ZNF133: variants seen among roughly 807,000 people sequenced by gnomAD.
ZNF133 encodes the protein zinc finger protein 133.
A neutral mutation model predicts 54.9 loss-of-function variants in ZNF133; 26 were observed. The observed-to-expected ratio is 0.47, with a 90% CI of 0.35 to 0.66. ZNF133 has a LOEUF of 0.66. ZNF133 is among the 30% of genes least tolerant of loss of function. The pLI, the probability that ZNF133 is intolerant of heterozygous loss-of-function variation, is 0.01. For missense variants in ZNF133, 653 were observed against 820.8 expected (o/e 0.80, Z 2.50); for synonymous variants, 298 against 320.3 (o/e 0.93, Z 0.74).
In ZNF133 at chr20:18,316,586, G is replaced by A; in HGVS notation, c.1735G>A (p.Val579Met). 6.2e-7 allele frequency: 1 copy of A among 1,614,080 alleles called. No individual in the cohort carries two copies. The highest frequency in any genetic ancestry group is 1.1e-5 in the South Asian group (1 of 91,070). Residue 579 changes from valine to methionine, a missense_variant, in exon 7 of 7, where the codon GTG becomes ATG. Around this residue, in one of 4 missense-constraint regions of ZNF133, gnomAD observed 129 missense variants for 138.5 expected, o/e 0.93. Coordinates refer to ENST00000425686, the MANE Select transcript of ZNF133 (RefSeq NM_001352452.2). ...KRAHSEEKPCVCRECGQGFLQ... is the reference protein window; with the variant it reads ...KRAHSEEKPCMCRECGQGFLQ... Reference sequence around the variant, plus strand: ...GGCTCACTCGGAAGAGAAGCCTTGTGTGTGCAGAGAGTGTGGCCAAGGCTT... The same window carrying A: ...GGCTCACTCGGAAGAGAAGCCTTGTATGTGCAGAGAGTGTGGCCAAGGCTT...
In ZNF133 at chr20:18,293,692, A is replaced by G. The variant is rs955811885; in HGVS notation, c.-431-4293A>G. ...TAAATAAATAACTGAATATAAATAA[A>G]TGGGGAGACAGAACAGCTCTGACAG... On this transcript the variant is annotated intron_variant, in intron 1 of 6. Transcript: ENST00000425686. 2.0e-4 allele frequency among the ~76,000 whole-genome samples: 31 copies of G among 152,252 alleles called. 1 individual carries two copies. The highest frequency in any genetic ancestry group is 3.3e-4 in the Admixed American group (5 of 15,284).
chr20:18,309,756 T>C (rs1431983651), intron 6 of ZNF133, among the ~76,000 whole-genome samples: 4 of 152,128 alleles, frequency 2.6e-5, no homozygotes, highest in Non-Finnish European at 2.9e-5. Context: ...AAAAGTATGG[T>C]AGGTAATGGT....
intron 6 of ZNF133, among the ~76,000 whole-genome samples, chr20:18,308,868 G>A (rs1458759277): frequency 1.3e-5 from 2 of 152,208 alleles, no homozygotes; most frequent in African/African-American, 4.8e-5. Flanking sequence ...AAGAAGGAAG[G>A]TCAGGGCAAA....
rs1241991453 is a variant in ZNF133, at chr20:18,316,624, A to C, written c.1773A>C (p.Ser591=). 1 of 1,614,008 alleles carries C rather than the reference A, an allele frequency of 6.2e-7. No homozygotes were observed. The stretch of plus-strand genomic sequence containing the variant: ...GTGGCCAAGGCTTTCTCCAAAAGTC[A>C]CACCTCACCTTACATCAAATGACAC... ...RECGQGFLQK[S]HLTLHQMTHT... is the part of the protein sequence containing the mutation. Residue 591 remains serine, a synonymous_variant, in exon 7 of 7, where the codon TCA becomes TCC. Transcript: ENST00000425686.
intron 6 of ZNF133, among the ~76,000 whole-genome samples, chr20:18,307,530 G>A (rs1175673679): frequency 1.3e-5 from 2 of 152,058 alleles, no homozygotes; most frequent in African/African-American, 4.8e-5. Context: ...CATACTTTTG[G>A]TATTCAGCAG....
At chr20:18,295,834 A>T (rs928177617) in intron 1 of ZNF133, among the ~76,000 whole-genome samples, 7 of 151,830 alleles carry the variant, frequency 4.6e-5, no homozygotes, top group South Asian at 2.1e-4. Context: ...GCTATTTTTT[A>T]AAATTTTTTT....
rs878893427 is a variant in ZNF133 at position 18,316,804 on chromosome 20, A to T, written c.1953A>T (p.Leu651Phe). The T allele has an allele frequency of 6.2e-7, 1 of 1,607,362 alleles. No individual in the cohort carries two copies. The highest frequency in any genetic ancestry group is 8.5e-7 in the Non-Finnish European group (1 of 1,175,820). Residue 651 changes from leucine (L) to phenylalanine (F), a missense_variant, in exon 7 of 7, where the codon TTA becomes TTT. Leu to Phe is a conservative substitution (Grantham distance 22). Transcript: ENST00000425686. Reference sequence around the variant, plus strand: ...GTGCAGGGCAACCTTCGGATTCCTTATACTCTCTCTGAAGGCAAAGATGGG... The same window carrying T: ...GTGCAGGGCAACCTTCGGATTCCTTTTACTCTCTCTGAAGGCAAAGATGGG... ...EPCAGQPSDSLYSL is the reference protein window; with the variant it reads ...EPCAGQPSDSFYSL
intron 6 of ZNF133, among the ~76,000 whole-genome samples, chr20:18,310,831 C>T (rs1272427999): frequency 1.3e-5 from 2 of 152,128 alleles, no homozygotes; most frequent in African/African-American, 4.8e-5. Context: ...AGCCATGTCA[C>T]AATGTATATA....
chr20:18,310,813 CTCAA>C (rs1362051426), intron 6 of ZNF133, among the ~76,000 whole-genome samples: 1 of 152,100 alleles, frequency 6.6e-6, no homozygotes, highest in Non-Finnish European at 1.5e-5. Context: ...TGTTAATTAG[CTCAA>C]TTTAGCCATG....
chr20:18,315,830 G>C lies in ZNF133; in HGVS notation c.979G>C (p.Val327Leu). The part of the protein sequence containing the change: ...QRTHSGEKPY[V>L]CRECGKGFSQ... ...GACACACTCAGGGGAAAAGCCTTAC[G>C]TGTGCCGGGAATGTGGCAAAGGCTT... Residue 327 changes from valine to leucine, a missense_variant, in exon 7 of 7, where the codon GTG (valine) becomes CTG (leucine). Transcript: ENST00000425686. 4.3e-6 allele frequency: 7 copies of C among 1,612,536 alleles called. No homozygotes were observed. The highest frequency in any genetic ancestry group is 5.9e-6 in the Non-Finnish European group (7 of 1,178,846).
chr20:18,290,764 A>T (rs1426892728), intron 1 of ZNF133, among the ~76,000 whole-genome samples: 2 of 152,108 alleles, frequency 1.3e-5, no homozygotes, highest in Non-Finnish European at 2.9e-5. Context: ...TGACAGCCTT[A>T]TAACTTGATA....
At chr20:18,300,546 A>G (rs2043161234) in intron 3 of ZNF133, among the ~76,000 whole-genome samples, 1 of 152,214 alleles carries the variant, frequency 6.6e-6, no homozygotes, top group Non-Finnish European at 1.5e-5. Context: ...TGGATTTAAA[A>G]AAACATGATC....
At position 18,298,021 on chromosome 20, in the gene ZNF133, T is replaced by C; in HGVS notation, c.-395T>C. 1.3e-6 allele frequency: 2 copies of C among 1,534,688 alleles called. No homozygotes were observed. The highest frequency in any genetic ancestry group is 2.0e-5 in the Admixed American group (1 of 50,960). On this transcript the variant is annotated 5_prime_UTR_variant, in exon 2 of 7. Transcript: ENST00000425686. ...GAGATATCATCCTTCTTCAGGGAGATAAGGAAAAAAAGCCACAGGGTCCCG... is the reference window on the plus strand; with the variant it reads ...GAGATATCATCCTTCTTCAGGGAGACAAGGAAAAAAAGCCACAGGGTCCCG...
At chr20:18,310,307 G>A (rs1194890434) in intron 6 of ZNF133, 1 of 1,531,644 alleles carries the variant, frequency 6.5e-7, no homozygotes, top group Non-Finnish European at 8.7e-7. Flanking sequence ...ACTGTTCTAG[G>A]TATAAAATAC....
At chr20:18,310,201 C>G in intron 6 of ZNF133, 1 of 1,455,014 alleles carries the variant, frequency 6.9e-7, no homozygotes, top group Middle Eastern at 1.8e-4. Flanking sequence ...ATGTTGAGCA[C>G]ATTAAAAAGA....
intron 1 of ZNF133, among the ~76,000 whole-genome samples, chr20:18,288,985 T>G (rs1453840333): frequency 6.6e-6 from 1 of 151,954 alleles, no homozygotes; most frequent in Non-Finnish European, 1.5e-5. Context: ...TAAATAAGCT[T>G]TTTGGGGGAA....
At chr20:18,290,182 G>T (rs2040629146) in intron 1 of ZNF133, 1 of 152,248 alleles carries the variant, frequency 6.6e-6, no homozygotes, top group African/African-American at 2.4e-5. Flanking sequence ...GCCCCAGCTG[G>T]TTCCTTCAGG....
At chr20:18,310,630 T>G (rs377058467) in intron 6 of ZNF133, among the ~76,000 whole-genome samples, 14 of 152,086 alleles carry the variant, frequency 9.2e-5, no homozygotes, top group African/African-American at 3.1e-4. Flanking sequence ...TGGGGGTGGT[T>G]GGGGAAGATG....
intron 6 of ZNF133, chr20:18,310,406 GTATT>G: frequency 1.6e-6 from 2 of 1,288,862 alleles, no homozygotes; most frequent in Non-Finnish European, 2.0e-6. Context: ...TACAAGAAAA[GTATT>G]TAATTTTCTC....
Sources: gnomAD v4.1 joint callset for allele counts (sites outside exome capture counted in the v4.1 genomes callset) on GRCh38, gnomAD v4.1.1 for gene constraint, gnomAD v4.1.1 regional missense constraint, MANE v1.5 for transcripts, NCBI Gene and HGNC (gene_info 2026-07-23, HGNC 2026-07-21) for gene names.